Variants in ATP13A3 observed in about 807,000 individuals in gnomAD.
ATP13A3 encodes the protein polyamine-transporting ATPase 13A3.
ATP13A3 carries 59 observed loss-of-function variants against 158.1 expected under a neutral mutation model. The ratio of observed to expected loss-of-function variants is 0.37; its 90% CI spans 0.30 to 0.46. The LOEUF is 0.46. Among genes scored for constraint, ATP13A3 ranks in the 20% least tolerant of loss-of-function variants. ATP13A3 has a pLI of 1.00. For missense variants in ATP13A3, 1,166 were observed against 1,525.2 expected (o/e 0.76, Z 3.92); for synonymous variants, 491 against 504.3 (o/e 0.97, Z 0.35).
At position 194,446,593 on chromosome 3, in the gene ATP13A3, C is replaced by G. The variant is rs1380514596; in HGVS notation, c.1497+334G>C. On this transcript the variant is annotated intron_variant, in intron 14 of 33. Transcript: ENST00000645319. ...TCATATTTATTTCAATGATTAATAT[C>G]AGAAGTGTTTTAGATCTTTATTTAG... Among the ~76,000 whole-genome samples, 7 of 152,116 alleles carry G rather than the reference C, an allele frequency of 4.6e-5. 1 individual carries two copies. In the South Asian group the frequency reaches 1.4e-3, roughly 31 times the overall value.
At chr3:194,485,755 T>G (rs1720940813) in intron 2 of ATP13A3, 39 bp downstream of exon 2, 1 of 152,210 alleles carries the variant, frequency 6.6e-6, no homozygotes, top group Admixed American at 6.5e-5. Flanking sequence ...TCTAAGACAC[T>G]GATGATTAAA....
intron 33 of ATP13A3, among the ~76,000 whole-genome samples, chr3:194,411,504 A>G (rs1040293156): frequency 6.6e-6 from 1 of 152,246 alleles, no homozygotes; most frequent in Non-Finnish European, 1.5e-5. Context: ...ATCAAGAGCT[A>G]TACTTTAACA....
In ATP13A3 at chr3:194,448,048, G is replaced by C; in HGVS notation, c.1151-39C>G. The C allele has an allele frequency of 6.7e-7, 1 of 1,497,492 alleles. No individual in the cohort carries two copies. Among genetic ancestry groups the C allele is most frequent in the Non-Finnish European group, 9.1e-7 (1 of 1,094,532 alleles). The allele number at this position is 1,497,492 out of a possible 1,614,324, so 92.8% of individuals were successfully genotyped here. On this transcript the variant is annotated intron_variant, in intron 12 of 33. Transcript: ENST00000645319. This position sits in a 1 kb window ranked among gnomAD's most constrained non-coding sequence, Gnocchi z 4.0. Reference sequence around the variant, plus strand: ...AAGACAATTATTGATATTTTTATAAGAAAATGAGAATTATCTCCCAAAACA... The same window carrying C: ...AAGACAATTATTGATATTTTTATAACAAAATGAGAATTATCTCCCAAAACA...
chr3:194,483,058 G>A (rs1720816088), intron 2 of ATP13A3, among the ~76,000 whole-genome samples: 1 of 150,196 alleles, frequency 6.7e-6, no homozygotes, highest in Non-Finnish European at 1.5e-5. Flanking sequence ...AGTGAGCGGA[G>A]ATCGCGCCTC....
chr3:194,437,697 A>T (rs888516261), intron 17 of ATP13A3, 124 bp from the exon 18 acceptor site: 2 of 1,033,422 alleles, frequency 1.9e-6, no homozygotes, highest in Non-Finnish European at 2.8e-6. Context: ...ACTGTTTTTC[A>T]AAGTCAGGAT....
At chr3:194,477,871 C>T (rs1720593673) in intron 2 of ATP13A3, among the ~76,000 whole-genome samples, 1 of 152,170 alleles carries the variant, frequency 6.6e-6, no homozygotes, top group South Asian at 2.1e-4. Context: ...TACCATCCTA[C>T]AGATCATCCA....
At position 194,459,831 on chromosome 3, in the gene ATP13A3, A is replaced by G. The variant is rs576409629; in HGVS notation, c.366T>C (p.Asn122=). The G allele has an allele frequency of 2.1e-5, 34 of 1,613,262 alleles. 1 individual carries two copies. The South Asian group carries it at 2.4e-4, about 11-fold the overall frequency. The part of the protein sequence containing the change: ...VCLIENPTEE[N]RHRISKYSQT... ...GTGAATATTTACTGATCCTGTGCCT[A>G]TTTTCTTCAGTGGGATTCTCAATTA... Residue 122 remains asparagine, a synonymous_variant, in exon 5 of 34, where the codon AAT becomes AAC. Transcript: ENST00000645319.
At chr3:194,426,979 C>G (rs1486448290) in intron 29 of ATP13A3, 96 bp downstream of exon 29, 1 of 1,377,300 alleles carries the variant, frequency 7.3e-7, no homozygotes, top group Non-Finnish European at 9.9e-7. Flanking sequence ...GCCACCGCAC[C>G]TGGCACAAAC....
At position 194,430,988 on chromosome 3, in the gene ATP13A3, G is replaced by A; in HGVS notation, c.2579C>T (p.Ala860Val). 1 of 1,613,626 alleles carries A rather than the reference G, an allele frequency of 6.2e-7. No individual in the cohort carries two copies. Among genetic ancestry groups the A allele is most frequent in the Non-Finnish European group, 8.5e-7 (1 of 1,179,688 alleles). ...MLHGTVFARM[A>V]PDQKTQLIEA... ...TATCAACTGTGTCTTCTGATCAGGT[G>A]CCATACGGGCAAACACGGTGCCATG... Residue 860 changes from alanine to valine, a missense_variant, in exon 24 of 34, where the codon GCA (alanine) becomes GTA (valine). Ala to Val is a moderately conservative substitution (Grantham distance 64). This residue lies in a region of ATP13A3 where 997 missense variants were observed against 1,341.2 expected (regional missense o/e 0.74). Transcript: ENST00000645319.
At position 194,494,080 on chromosome 3, in the gene ATP13A3, C is replaced by A. The variant is rs758275104; in HGVS notation, n.716G>T. ...AGCACAGCCAGGATTCAAACCCAGA[C>A]ACTTTGCTCCAGGGCCAAACTCTTG... On this transcript the variant is annotated non_coding_transcript_exon_variant, in exon 2 of 33. Coordinates refer to the ATP13A3 transcript ENST00000687055. The surrounding 1 kb of genome is among the most constrained non-coding windows in gnomAD (Gnocchi z 4.2). 54 of 398,282 alleles carry A rather than the reference C, an allele frequency of 1.4e-4. No homozygotes were observed. The highest frequency in any genetic ancestry group is 2.6e-4 in the South Asian group (2 of 7,790). The allele number at this position is 398,282 out of a possible 1,614,324, so 24.7% of individuals were successfully genotyped here. A position where few individuals can be genotyped will look rare whatever the true frequency, so the allele number is the denominator to read the frequency against.
At chr3:194,431,937 C>T (rs757589697) in intron 21 of ATP13A3, 45 bp from the exon 22 acceptor site, 46 of 1,439,874 alleles carry the variant, frequency 3.2e-5, no homozygotes, top group Non-Finnish European at 3.8e-5. Flanking sequence ...AAAATGGAAA[C>T]GTGAACGTAT....
intron 2 of ATP13A3, among the ~76,000 whole-genome samples, chr3:194,474,844 T>G (rs1451619171): frequency 6.6e-6 from 1 of 152,214 alleles, no homozygotes; most frequent in African/African-American, 2.4e-5. Context: ...GATGCGGTGC[T>G]CACTGCACAC....
intron 6 of ATP13A3, 132 bp downstream of exon 6, chr3:194,459,339 G>C: frequency 2.9e-6 from 2 of 685,130 alleles, no homozygotes; most frequent in Non-Finnish European, 5.1e-6. Flanking sequence ...ACAGGGAGTT[G>C]TTAATTAATA....
intron 31 of ATP13A3, among the ~76,000 whole-genome samples, chr3:194,417,109 G>A (rs1040237035): frequency 2.6e-5 from 4 of 152,044 alleles, no homozygotes; most frequent in Admixed American, 6.6e-5. Context: ...TAATAGTTCC[G>A]AAAGGGCTTT....
chr3:194,429,428 C>G (rs2108809241), intron 27 of ATP13A3, among the ~76,000 whole-genome samples: 1 of 152,286 alleles, frequency 6.6e-6, no homozygotes, highest in South Asian at 2.1e-4. Flanking sequence ...TACCTGTGGC[C>G]ATCGCTGTTT....
chr3:194,421,043 G>A (rs1349209724), intron 30 of ATP13A3, among the ~76,000 whole-genome samples: 1 of 124,592 alleles, frequency 8.0e-6, no homozygotes, highest in South Asian at 2.6e-4. Flanking sequence ...CAAAACTACA[G>A]GTAAATATTT....
intron 31 of ATP13A3, among the ~76,000 whole-genome samples, chr3:194,418,907 T>C (rs1716087603): frequency 6.6e-6 from 1 of 152,216 alleles, no homozygotes; most frequent in South Asian, 2.1e-4. Flanking sequence ...GCTTAATCAC[T>C]GTTTGCAAAT....
chr3:194,490,441 G>A (rs945788001), upstream of ATP13A3, among the ~76,000 whole-genome samples: 2 of 152,176 alleles, frequency 1.3e-5, no homozygotes, highest in Non-Finnish European at 2.9e-5. The surrounding 1 kb of genome is among the most constrained non-coding windows in gnomAD (Gnocchi z 4.4). Flanking sequence ...ACACTTTGCT[G>A]TTAGTTTTGA....
At chr3:194,442,908 A>G (rs552409428) in intron 15 of ATP13A3, among the ~76,000 whole-genome samples, 2 of 152,342 alleles carry the variant, frequency 1.3e-5, no homozygotes, top group East Asian at 1.9e-4. Context: ...ACAGCTTCAT[A>G]GTATTGAGAG....
Sources: allele counts gnomAD v4.1 joint callset (sites outside exome capture counted in the v4.1 genomes callset), GRCh38; gene constraint gnomAD v4.1.1; regional missense constraint gnomAD v4.1.1; non-coding constraint Gnocchi (gnomAD v3.1); transcripts MANE v1.5; gene names NCBI Gene and HGNC (gene_info 2026-07-23, HGNC 2026-07-21).